The following LYRM4 variants were observed in gnomAD, a reference collection of about 807,000 sequenced individuals.
The protein encoded by LYRM4 is LYR motif-containing protein 4.
Under a neutral mutation model 11.7 loss-of-function variants are expected in LYRM4, and 9 were observed. The ratio of observed to expected loss-of-function variants is 0.77; its 90% CI spans 0.46 to 1.34. LYRM4 has a LOEUF of 1.34. Among genes scored for constraint, LYRM4 ranks in the 40% most tolerant of loss-of-function variants. The pLI, the probability that LYRM4 is intolerant of heterozygous loss-of-function variation, is 0.00. For synonymous variants in LYRM4, 42 were observed against 40.4 expected (o/e 1.04, Z -0.15); for missense variants, 133 against 112.5 (o/e 1.18, Z -0.82).
chr6:5,061,759 T>C, the LYRM4 span, among the ~76,000 whole-genome samples: 1 of 152,156 alleles, frequency 6.6e-6, no homozygotes, highest in Admixed American at 6.5e-5. Flanking sequence ...GGGAGTCCCA[T>C]AGAAAACTCA....
At chr6:5,222,497 TAA>T (rs1192057776) in intron 1 of LYRM4, among the ~76,000 whole-genome samples, 2 of 151,996 alleles carry the variant, frequency 1.3e-5, no homozygotes, top group Middle Eastern at 3.2e-3. Flanking sequence ...GATCTGTAGA[TAA>T]AGAGATGAAA....
At chr6:5,182,079 G>A (rs2773338) in intron 2 of LYRM4, among the ~76,000 whole-genome samples, 1 of 151,982 alleles carries the variant, frequency 6.6e-6, no homozygotes, top group Non-Finnish European at 1.5e-5. Context: ...AATGAACTTC[G>A]CCCATAATGA....
chr6:5,085,541 G>C, the LYRM4 span: 2 of 1,540,266 alleles, frequency 1.3e-6, no homozygotes, highest in South Asian at 2.4e-5. Flanking sequence ...GCGCCCTTCC[G>C]AGAGGCCCCG....
intron 2 of LYRM4, among the ~76,000 whole-genome samples, chr6:5,129,160 C>T (rs1763829210): frequency 6.6e-6 from 1 of 152,240 alleles, no homozygotes; most frequent in African/African-American, 2.4e-5. Flanking sequence ...TGCTCCCGCA[C>T]TCAGCTGGGA....
chr6:5,050,186 C>G, the LYRM4 span, among the ~76,000 whole-genome samples: 1 of 152,202 alleles, frequency 6.6e-6, no homozygotes, highest in South Asian at 2.1e-4. Flanking sequence ...TTGCAACATC[C>G]AGGGGAAGAC....
the LYRM4 span, among the ~76,000 whole-genome samples, chr6:5,040,316 AATAGATAG>A: frequency 1.5e-3 from 184 of 125,074 alleles, 1 homozygote; most frequent in African/African-American, 4.8e-3. Flanking sequence ...TATCTCTAAC[AATAGATAG>A]ATAGATAGAT....
At chr6:5,114,632 C>T (rs1343742563) in intron 2 of LYRM4, among the ~76,000 whole-genome samples, 1 of 152,080 alleles carries the variant, frequency 6.6e-6, no homozygotes. Flanking sequence ...TTCTTTCTCT[C>T]TTTAAATCAG....
chr6:5,108,520 A>C lies in LYRM4; in HGVS notation c.*903T>G. ...AAACAGTGGGAGAGCTTCAGAATAG[A>C]GAAAAATGACTGTGCCTCACCCCTC... On this transcript the variant is annotated 3_prime_UTR_variant, in exon 3 of 3. Coordinates refer to ENST00000330636, the MANE Select transcript of LYRM4 (RefSeq NM_020408.6). The C allele has an allele frequency of 1.5e-6, 1 of 663,802 alleles. No individual in the cohort carries two copies. Among genetic ancestry groups the C allele is most frequent in the Non-Finnish European group, 1.9e-6 (1 of 535,728 alleles). 41.1% of individuals were successfully genotyped at this position (663,802 alleles called of 1,614,324 possible).
At chr6:5,086,863 G>A in the LYRM4 span, 1 of 420,032 alleles carries the variant, frequency 2.4e-6, no homozygotes, top group Non-Finnish European at 4.2e-6. Context: ...AACTTCCAAG[G>A]CCCGGAGCAG....
At chr6:5,069,290 C>G in the LYRM4 span, among the ~76,000 whole-genome samples, 2 of 151,670 alleles carry the variant, frequency 1.3e-5, no homozygotes, top group South Asian at 2.1e-4. Flanking sequence ...AATACGTACT[C>G]TATTAGAAAT....
At chr6:5,066,794 C>T in the LYRM4 span, 2 of 738,598 alleles carry the variant, frequency 2.7e-6, no homozygotes. Context: ...AGTTTAACAC[C>T]CTCCTTGGTG....
intron 2 of LYRM4, among the ~76,000 whole-genome samples, chr6:5,153,826 G>A (rs1361734355): frequency 1.3e-5 from 2 of 152,160 alleles, no homozygotes; most frequent in African/African-American, 4.8e-5. Flanking sequence ...AATACAGACA[G>A]ATACAATGAA....
intron 2 of LYRM4, chr6:5,138,807 G>T: frequency 1.6e-6 from 2 of 1,227,586 alleles, no homozygotes; most frequent in Non-Finnish European, 2.3e-6. Flanking sequence ...AGTTCTTTGG[G>T]ATTTCAAACA....
At position 5,119,361 on chromosome 6, in the gene LYRM4, T is replaced by C. The variant is rs114129430; in HGVS notation, c.208-9870A>G. Among the ~76,000 whole-genome samples the C allele has an allele frequency of 3.6e-3, 549 of 152,324 alleles. 4 individuals are homozygous for C. The highest frequency in any genetic ancestry group is 0.011 in the African/African-American group (474 of 41,572). On this transcript the variant is annotated intron_variant, in intron 2 of 2. Transcript: ENST00000330636. Reference sequence around the variant, plus strand: ...ACGTCCAGTCCACATCCACTGTCCCTGGGTGACTATAGATAGAGCGCTTGT... The same window carrying C: ...ACGTCCAGTCCACATCCACTGTCCCCGGGTGACTATAGATAGAGCGCTTGT...
the LYRM4 span, chr6:5,066,929 C>G: frequency 1.7e-4 from 190 of 1,119,942 alleles, no homozygotes; most frequent in Middle Eastern, 6.4e-4. Context: ...GACCAGCGCC[C>G]CCCAAGGCGG....
the LYRM4 span, among the ~76,000 whole-genome samples, chr6:5,062,604 G>A: frequency 1.3e-3 from 194 of 152,220 alleles, 1 homozygote; most frequent in African/African-American, 4.3e-3. Flanking sequence ...GAGGCAGCAT[G>A]GCAGGAAGGA....
the LYRM4 span, among the ~76,000 whole-genome samples, chr6:5,071,061 G>A: frequency 1.3e-4 from 19 of 151,620 alleles, 1 homozygote; most frequent in South Asian, 4.0e-3. Context: ...GGTAGCGGGC[G>A]CCTATAACCC....
At chr6:5,177,998 A>AT (rs5873970) in intron 2 of LYRM4, among the ~76,000 whole-genome samples, 51,835 of 150,038 alleles carry the variant, frequency 0.35, 9,973 homozygotes, top group African/African-American at 0.55. Flanking sequence ...ATATGCCACT[A>AT]TTTTTTTTTT....
intron 2 of LYRM4, among the ~76,000 whole-genome samples, chr6:5,128,345 G>T (rs1372677674): frequency 6.6e-6 from 1 of 152,176 alleles, no homozygotes; most frequent in African/African-American, 2.4e-5. Context: ...GTACACAGGG[G>T]TGATATGGAG....
Sources: allele counts gnomAD v4.1 joint callset (sites outside exome capture counted in the v4.1 genomes callset), GRCh38; gene constraint gnomAD v4.1.1; transcripts MANE v1.5; gene names NCBI Gene and HGNC (gene_info 2026-07-23, HGNC 2026-07-21).